Variants in C6orf89 observed in about 807,000 individuals in gnomAD.
C6orf89 encodes bombesin receptor-activated protein C6orf89.
Under a neutral mutation model 40.7 loss-of-function variants are expected in C6orf89, and 29 were observed. The observed-to-expected ratio is 0.71, with a 90% CI of 0.53 to 0.97. The LOEUF (loss-of-function observed/expected upper bound fraction) is 0.97, where lower values mean the gene tolerates loss of function less well. Ranked by LOEUF, C6orf89 falls within the 50% of genes least tolerant of loss-of-function variation. The pLI is 0.00. For missense variants in C6orf89, 392 were observed against 429.1 expected (o/e 0.91, Z 0.76); for synonymous variants, 165 against 152.2 (o/e 1.08, Z -0.62).
In C6orf89 at chr6:36,914,382, C is replaced by T. The variant is rs969010151; in HGVS notation, c.502C>T (p.Leu168Phe). ...GCAQKHLKVM[L>F]LEDAPRKFER... ...TGCCCAGAAACACCTGAAGGTGATG[C>T]TCCTGGAAGACGCCCCAAGGAAATT... The change falls in exon 5 of 9, where the codon CTC (leucine) becomes TTC (phenylalanine). Residue 168 changes from leucine to phenylalanine, a missense_variant. Transcript: ENST00000480824. 3.1e-6 allele frequency: 5 copies of T among 1,614,190 alleles called. No individual in the cohort carries two copies. The East Asian group carries it at 1.1e-4, about 36-fold the overall frequency.
intron 4 of C6orf89, among the ~76,000 whole-genome samples, chr6:36,911,938 C>G (rs866744807): frequency 6.8e-6 from 1 of 147,684 alleles, no homozygotes; most frequent in African/African-American, 2.5e-5. Context: ...GAACCCCCCC[C>G]CCCCGACCTT....
At chr6:36,916,389 G>C in intron 6 of C6orf89, 56 bp from the exon 7 acceptor site, 2 of 1,606,634 alleles carry the variant, frequency 1.2e-6, no homozygotes, top group Non-Finnish European at 1.7e-6. Flanking sequence ...CTCTCTCTTA[G>C]TCATGGGCTG....
Position 36,891,428 on chromosome 6 carries a change from A to G in C6orf89, c.-119-3076A>G, listed in dbSNP as rs568282884. Among the ~76,000 whole-genome samples, 611 of 152,228 alleles carry G rather than the reference A, an allele frequency of 4.0e-3. 3 individuals carry two copies. The highest frequency in any genetic ancestry group is 0.012 in the African/African-American group (489 of 41,520). Reference sequence around the variant, plus strand: ...TTTGGGTTGGTTCCAAGTCTTTGCTATTTGTGAATAGTGCCACAATAAACA... The same window carrying G: ...TTTGGGTTGGTTCCAAGTCTTTGCTGTTTGTGAATAGTGCCACAATAAACA... On this transcript the variant is annotated intron_variant, in intron 1 of 8. Coordinates refer to ENST00000480824, the MANE Select transcript of C6orf89 (RefSeq NM_001286635.2).
chr6:36,872,678 G>A (rs535252250), intron 1 of C6orf89, among the ~76,000 whole-genome samples: 5 of 152,060 alleles, frequency 3.3e-5, no homozygotes, highest in Non-Finnish European at 7.4e-5. Flanking sequence ...CACAATCTCA[G>A]CTTATCGCAA....
upstream of C6orf89, chr6:36,885,853 T>G (rs528608817): frequency 1.5e-5 from 7 of 474,676 alleles, no homozygotes; most frequent in Non-Finnish European, 2.4e-5. Flanking sequence ...CTGAGTGTTC[T>G]GTTTTGGGCG....
rs1211195421 is a variant in C6orf89 at position 36,914,312 on chromosome 6, T to C, written c.432T>C (p.Cys144=). The change falls in exon 5 of 9, where the codon TGT becomes TGC. Residue 144 remains cysteine, a synonymous_variant. Transcript: ENST00000480824. ...PDFDPWWTND[C]EQNESEPIPA... ...TTGACCCCTGGTGGACAAACGACTGTGAGCAGAATGAGTCAGAGCCCATTC... is the reference window on the plus strand; with the variant it reads ...TTGACCCCTGGTGGACAAACGACTGCGAGCAGAATGAGTCAGAGCCCATTC... 1 of 1,614,012 alleles carries C rather than the reference T, an allele frequency of 6.2e-7. No homozygotes were observed. The highest frequency in any genetic ancestry group is 2.2e-5 in the East Asian group (1 of 44,896).
intron 7 of C6orf89, among the ~76,000 whole-genome samples, 182 bp from the exon 8 acceptor site, chr6:36,919,396 G>A (rs944001310): frequency 6.6e-6 from 1 of 152,212 alleles, no homozygotes; most frequent in South Asian, 2.1e-4. Flanking sequence ...ATTCTTAGGA[G>A]AAAGTAGTTT....
At chr6:36,897,829 C>G (rs1314010053) in intron 2 of C6orf89, among the ~76,000 whole-genome samples, 1 of 151,748 alleles carries the variant, frequency 6.6e-6, no homozygotes, top group Non-Finnish European at 1.5e-5. Flanking sequence ...TGTCCTCCAC[C>G]CTACAGGTGG....
rs183439772 is a variant in C6orf89, at chr6:36,872,635, G to T, written c.-628+668G>T. Among the ~76,000 whole-genome samples, 338 of 151,804 alleles carry T rather than the reference G, an allele frequency of 2.2e-3. 1 individual carries two copies. The highest frequency in any genetic ancestry group is 7.4e-3 in the African/African-American group (307 of 41,370). ...ACAATTTTTTTTTTTTTGAGAAAGG[G>T]TCTCCTCTGTCACCCAGGTTACAGT... On this transcript the variant is annotated intron_variant, in intron 1 of 9. Transcript: ENST00000359359.
intron 4 of C6orf89, among the ~76,000 whole-genome samples, chr6:36,913,676 T>A (rs868211370): frequency 6.6e-6 from 1 of 152,260 alleles, no homozygotes; most frequent in Non-Finnish European, 1.5e-5. Flanking sequence ...TCCTAGCTGT[T>A]ATGCTTTATT....
chr6:36,901,800 A>G (rs1359766547), intron 3 of C6orf89, among the ~76,000 whole-genome samples: 3 of 151,100 alleles, frequency 2.0e-5, no homozygotes, highest in African/African-American at 7.3e-5. Flanking sequence ...CCTCCCAAGT[A>G]GCTGGGACTA....
At chr6:36,902,016 TAGC>T (rs1166353622) in intron 3 of C6orf89, among the ~76,000 whole-genome samples, 18 of 152,212 alleles carry the variant, frequency 1.2e-4, no homozygotes, top group Admixed American at 1.2e-3. Context: ...GATTATATGG[TAGC>T]AGCTTGGTGA....
intron 1 of C6orf89, among the ~76,000 whole-genome samples, chr6:36,891,459 G>T (rs1440632527): frequency 6.6e-6 from 1 of 152,158 alleles, no homozygotes; most frequent in Admixed American, 6.5e-5. Context: ...AAACATATGT[G>T]TGCATGTGTC....
chr6:36,922,906 A>G (rs376035582), intron 8 of C6orf89, among the ~76,000 whole-genome samples: 1 of 152,358 alleles, frequency 6.6e-6, no homozygotes, highest in East Asian at 1.9e-4. Context: ...CATCTAGAGC[A>G]TCCTGCCTTT....
At chr6:36,879,360 C>A (rs1019789380) in intron 2 of C6orf89, among the ~76,000 whole-genome samples, 4 of 152,104 alleles carry the variant, frequency 2.6e-5, no homozygotes, top group Admixed American at 2.6e-4. Context: ...CTGGCCGGAA[C>A]AACAACAAAA....
At position 36,899,575 on chromosome 6, in the gene C6orf89, A is replaced by G. The variant is rs1302165974; in HGVS notation, c.131A>G (p.Glu44Gly). 4 of 1,614,170 alleles carry G rather than the reference A, an allele frequency of 2.5e-6. No individual in the cohort carries two copies. The East Asian group carries it at 8.9e-5, about 36-fold the overall frequency. The change falls in exon 3 of 9, where the codon GAA (glutamate) becomes GGA (glycine). Residue 44 changes from glutamate to glycine, a missense_variant. Physicochemically the swap from Glu to Gly is moderately conservative, Grantham distance 98 (BLOSUM62 -2). Coordinates refer to ENST00000480824, the MANE Select transcript of C6orf89 (RefSeq NM_001286635.2). ...AIEKFIRQLL[E>G]KNEPQRPPPQ... ...GAAAAATTTATCAGACAGCTGCTGG[A>G]AAAGAATGAACCTCAGAGACCCCCC...
chr6:36,903,973 C>T lies in C6orf89; in HGVS notation c.403+1539C>T, dbSNP rs570598103. 4.6e-5 allele frequency among the ~76,000 whole-genome samples: 7 copies of T among 151,800 alleles called. No homozygotes were observed. The East Asian group carries it at 1.2e-3, about 25-fold the overall frequency. On this transcript the variant is annotated intron_variant, in intron 4 of 8. Coordinates refer to ENST00000480824, the MANE Select transcript of C6orf89 (RefSeq NM_001286635.2). ...CAACAGAGCTAAAAAAAAAAAAATG[C>T]AGTCTCAAACTCCTATTAGAACGGT... is the stretch of plus-strand genomic sequence containing the variant.
At chr6:36,913,590 C>T (rs1003664776) in intron 4 of C6orf89, among the ~76,000 whole-genome samples, 12 of 152,220 alleles carry the variant, frequency 7.9e-5, no homozygotes, top group African/African-American at 2.9e-4. Context: ...GTGCTGTAGA[C>T]GTTTCAGCCA....
At chr6:36,916,636 C>A in intron 7 of C6orf89, 62 bp downstream of exon 7, 1 of 1,599,716 alleles carries the variant, frequency 6.3e-7, no homozygotes, top group South Asian at 1.1e-5. Flanking sequence ...GGACTGATGT[C>A]ATAACCAAGG....
Sources: allele counts gnomAD v4.1 joint callset (sites outside exome capture counted in the v4.1 genomes callset), GRCh38; gene constraint gnomAD v4.1.1; transcripts MANE v1.5; gene names NCBI Gene and HGNC (gene_info 2026-07-23, HGNC 2026-07-21).